Variants in PLCB1 observed in about 807,000 individuals in gnomAD.
PLCB1 encodes 1-phosphatidylinositol 4,5-bisphosphate phosphodiesterase beta-1.
Under a neutral mutation model 161.8 loss-of-function variants are expected in PLCB1, and 46 were observed. The ratio of observed to expected loss-of-function variants is 0.28; its 90% CI spans 0.22 to 0.36. PLCB1 has a LOEUF of 0.36. Ranked by LOEUF, PLCB1 falls within the 10% of genes least tolerant of loss-of-function variation. The probability of loss-of-function intolerance (pLI) is 1.00; values close to 1 mark genes in which losing one functional copy is unlikely to be tolerated. For synonymous variants in PLCB1, 517 were observed against 503.7 expected (o/e 1.03, Z -0.35); for missense variants, 1,016 against 1,472.5 (o/e 0.69, Z 5.07).
intron 2 of PLCB1, among the ~76,000 whole-genome samples, chr20:8,266,355 A>G (rs996653959): frequency 1.3e-5 from 2 of 152,176 alleles, no homozygotes; most frequent in Admixed American, 1.3e-4. Flanking sequence ...TCTGCTCCAC[A>G]TGGTACCTCA....
chr20:8,439,097 T>A (rs965469255), intron 3 of PLCB1, among the ~76,000 whole-genome samples: 4 of 152,224 alleles, frequency 2.6e-5, no homozygotes, highest in African/African-American at 9.6e-5. Flanking sequence ...ATCCTACCTG[T>A]GTATCCCTAG....
intron 3 of PLCB1, among the ~76,000 whole-genome samples, chr20:8,478,824 A>G (rs1240123207): frequency 2.0e-5 from 3 of 152,188 alleles, no homozygotes; most frequent in Admixed American, 6.5e-5. Flanking sequence ...TCTGCTACTA[A>G]TGATCTAAAA....
intron 3 of PLCB1, among the ~76,000 whole-genome samples, chr20:8,420,510 T>A (rs1380833479): frequency 6.6e-6 from 1 of 152,168 alleles, no homozygotes; most frequent in Non-Finnish European, 1.5e-5. Flanking sequence ...GCCCAATAGA[T>A]AATTTGCCTA....
rs113705352 is a variant in PLCB1, at chr20:8,837,136, G to A, written c.3424-44486G>A. On this transcript the variant is annotated intron_variant, in intron 31 of 31. Coordinates refer to ENST00000338037, the MANE Select transcript of PLCB1 (RefSeq NM_015192.4). The stretch of plus-strand genomic sequence containing the variant: ...AAGAGCCCTCTCCAGCCTCTTCTAA[G>A]GGGATTAATCCTGCATCACCAGAGG... Among the ~76,000 whole-genome samples the A allele has an allele frequency of 4.8e-3, 738 of 152,244 alleles. 11 individuals are homozygous for A. Among genetic ancestry groups the A allele is most frequent in the African/African-American group, 0.017 (688 of 41,534 alleles).
chr20:8,822,346 C>T (rs571516303), intron 31 of PLCB1, among the ~76,000 whole-genome samples: 5 of 152,250 alleles, frequency 3.3e-5, no homozygotes, highest in East Asian at 1.9e-4. Context: ...TCAGGCACTG[C>T]GCTGCATACT....
At chr20:8,714,944 TAA>T (rs11476867) in intron 12 of PLCB1, among the ~76,000 whole-genome samples, 1 of 147,216 alleles carries the variant, frequency 6.8e-6, no homozygotes, top group East Asian at 2.0e-4. Context: ...CTAACCCCAG[TAA>T]AAAAAAAAAA....
At chr20:8,371,955 T>C (rs1001466814) in intron 3 of PLCB1, 6 of 152,340 alleles carry the variant, frequency 3.9e-5, no homozygotes, top group African/African-American at 1.4e-4. Context: ...TCATTTGTTT[T>C]GGTTTGAAAA....
chr20:8,253,619 A>G (rs1265865115), intron 2 of PLCB1, among the ~76,000 whole-genome samples: 3 of 151,878 alleles, frequency 2.0e-5, no homozygotes. Flanking sequence ...ACATATATTT[A>G]TTTATTTTCA....
At chr20:8,362,347 CA>C (rs1158522027) in intron 2 of PLCB1, among the ~76,000 whole-genome samples, 1 of 152,102 alleles carries the variant, frequency 6.6e-6, no homozygotes, top group Non-Finnish European at 1.5e-5. Flanking sequence ...ACCTGTTTTT[CA>C]TTCATCATTT....
chr20:8,298,085 G>T (rs565233351), intron 2 of PLCB1, among the ~76,000 whole-genome samples: 1 of 151,544 alleles, frequency 6.6e-6, no homozygotes, highest in East Asian at 1.9e-4. Flanking sequence ...GCTTGAGCTC[G>T]GGAGTTCAAG....
chr20:8,683,945 G>A (rs1019952750), intron 9 of PLCB1, among the ~76,000 whole-genome samples: 1 of 151,166 alleles, frequency 6.6e-6, no homozygotes, highest in African/African-American at 2.4e-5. Flanking sequence ...GTGTAGTGGT[G>A]CGATCTCAGC....
At chr20:8,816,221 C>A (rs1466485185) in intron 31 of PLCB1, among the ~76,000 whole-genome samples, 18 of 151,992 alleles carry the variant, frequency 1.2e-4, no homozygotes, top group Non-Finnish European at 1.5e-5. Flanking sequence ...GGTAAATTAT[C>A]AAAGAAATAT....
chr20:8,331,951 A>T (rs1985381863), intron 2 of PLCB1, among the ~76,000 whole-genome samples: 2 of 152,220 alleles, frequency 1.3e-5, no homozygotes, highest in Admixed American at 6.5e-5. Flanking sequence ...ATTTAGGCTT[A>T]TGTGTCCCAT....
chr20:8,729,309 G>T, intron 18 of PLCB1, 135 bp downstream of exon 18: 2 of 640,984 alleles, frequency 3.1e-6, no homozygotes, highest in Non-Finnish European at 2.4e-6. Context: ...TCAATGAAGG[G>T]AATATCAATG....
At chr20:8,446,994 C>A (rs1004523666) in intron 3 of PLCB1, among the ~76,000 whole-genome samples, 2 of 152,026 alleles carry the variant, frequency 1.3e-5, no homozygotes, top group South Asian at 2.1e-4. Flanking sequence ...ATTCTAGATA[C>A]GTAGAATAGA....
At chr20:8,458,342 CAA>C (rs1981421120) in intron 3 of PLCB1, among the ~76,000 whole-genome samples, 1 of 152,146 alleles carries the variant, frequency 6.6e-6, no homozygotes, top group African/African-American at 2.4e-5. Context: ...CATGATCAAT[CAA>C]TATTTTTTGA....
intron 3 of PLCB1, among the ~76,000 whole-genome samples, chr20:8,409,480 G>A (rs1379846761): frequency 6.6e-6 from 1 of 150,930 alleles, no homozygotes; most frequent in Admixed American, 6.6e-5. Context: ...TATTAATTTT[G>A]AGATGGAGTT....
chr20:8,684,646 A>C (rs747226786), intron 9 of PLCB1, among the ~76,000 whole-genome samples: 2 of 152,166 alleles, frequency 1.3e-5, no homozygotes, highest in Non-Finnish European at 2.9e-5. Context: ...TTTAGTGCCG[A>C]TCCATAAAGT....
intron 1 of PLCB1, among the ~76,000 whole-genome samples, chr20:8,149,627 A>G (rs867705944): frequency 1.3e-5 from 2 of 152,164 alleles, no homozygotes; most frequent in Non-Finnish European, 2.9e-5. Flanking sequence ...TCTTGTGCAG[A>G]TGGTATGTCT....
Sources: gnomAD v4.1 joint callset for allele counts (sites outside exome capture counted in the v4.1 genomes callset) on GRCh38, gnomAD v4.1.1 for gene constraint, MANE v1.5 for transcripts, NCBI Gene and HGNC (gene_info 2026-07-23, HGNC 2026-07-21) for gene names.